NRXN1: variants seen among roughly 807,000 people sequenced by gnomAD.
NRXN1 encodes neurexin 1, also known as neurexin-1.
In NRXN1, 39 loss-of-function variants were observed where a neutral mutation model predicts 150.9. That is an observed-to-expected ratio of 0.26 (90% CI 0.20 to 0.34). The LOEUF is 0.34. Among genes scored for constraint, NRXN1 ranks in the 10% least tolerant of loss-of-function variants. NRXN1 has a pLI of 1.00. For synonymous variants in NRXN1, 924 were observed against 757.0 expected (o/e 1.22, Z -3.62); for missense variants, 1,815 against 1,949.9 (o/e 0.93, Z 1.30).
At chr2:50,168,511 A>G (rs1220051272) in intron 18 of NRXN1, among the ~76,000 whole-genome samples, 1 of 152,218 alleles carries the variant, frequency 6.6e-6, no homozygotes, top group African/African-American at 2.4e-5. Flanking sequence ...ATTAGGAAGT[A>G]TATTTACTAG....
intron 15 of NRXN1, among the ~76,000 whole-genome samples, chr2:50,474,218 T>C (rs111883881): frequency 2.6e-4 from 40 of 152,022 alleles, no homozygotes; most frequent in African/African-American, 8.9e-4. Flanking sequence ...CATTGTGTTT[T>C]AGTTGCCTCA....
intron 21 of NRXN1, among the ~76,000 whole-genome samples, chr2:49,994,084 C>A: frequency 6.6e-6 from 1 of 151,998 alleles, no homozygotes; most frequent in East Asian, 1.9e-4. Flanking sequence ...CACCGGGGAT[C>A]CTCTGTTTCC....
chr2:50,781,771 G>C (rs1704384704), intron 5 of NRXN1, among the ~76,000 whole-genome samples: 1 of 152,140 alleles, frequency 6.6e-6, no homozygotes, highest in Admixed American at 6.5e-5. Flanking sequence ...TTTTTATTCA[G>C]CATATTAGTT....
chr2:50,101,361 C>A (rs769329282), intron 18 of NRXN1, among the ~76,000 whole-genome samples: 46 of 152,118 alleles, frequency 3.0e-4, no homozygotes, highest in Non-Finnish European at 5.9e-4. Flanking sequence ...TAATTGTTGA[C>A]ATTTTTTATG....
chr2:50,995,737 T>C (rs1298480587), intron 2 of NRXN1, among the ~76,000 whole-genome samples: 1 of 151,962 alleles, frequency 6.6e-6, no homozygotes, highest in Non-Finnish European at 1.5e-5. Flanking sequence ...CTTTCAGTCA[T>C]GGATAAATGC....
chr2:50,936,846 T>G (rs1472154887), intron 2 of NRXN1, among the ~76,000 whole-genome samples: 1 of 152,118 alleles, frequency 6.6e-6, no homozygotes, highest in African/African-American at 2.4e-5. Context: ...TAAACATGTA[T>G]GAAAACGTGG....
At position 50,107,748 on chromosome 2, in the gene NRXN1, G is replaced by A. The variant is rs188373050; in HGVS notation, c.3547-16254C>T. 4.2e-3 allele frequency among the ~76,000 whole-genome samples: 644 copies of A among 151,762 alleles called. 4 individuals carry two copies. Among genetic ancestry groups the A allele is most frequent in the African/African-American group, 0.014 (593 of 41,460 alleles). ...CTTGGCCTAGATAGTTTATGTCTCA[G>A]TTAATAATAATGTTGATAGTAATAC... On this transcript the variant is annotated intron_variant, in intron 18 of 22. Coordinates refer to ENST00000401669, the MANE Select transcript of NRXN1 (RefSeq NM_001330078.2).
intron 21 of NRXN1, among the ~76,000 whole-genome samples, chr2:49,974,491 AC>A (rs1380865025): frequency 1.3e-5 from 2 of 152,138 alleles, no homozygotes; most frequent in South Asian, 4.2e-4. Flanking sequence ...CAGAGGGGAA[AC>A]TTTTTTTTCC....
chr2:50,915,660 G>T (rs1161732898), intron 5 of NRXN1, among the ~76,000 whole-genome samples: 3 of 151,178 alleles, frequency 2.0e-5, no homozygotes, highest in Admixed American at 6.6e-5. Context: ...TAAATAATAG[G>T]GTATTAATAT....
intron 19 of NRXN1, among the ~76,000 whole-genome samples, chr2:50,065,975 A>G (rs925500544): frequency 6.6e-6 from 1 of 152,136 alleles, no homozygotes; most frequent in African/African-American, 2.4e-5. Flanking sequence ...CCTATTTCTT[A>G]TCTCTGCGTT....
chr2:50,199,566 A>ACACG (rs912023521), intron 18 of NRXN1, among the ~76,000 whole-genome samples: 1 of 143,124 alleles, frequency 7.0e-6, no homozygotes, highest in Non-Finnish European at 1.5e-5. Flanking sequence ...ACACACACAC[A>ACACG]CATGCACACT....
intron 5 of NRXN1, among the ~76,000 whole-genome samples, chr2:50,683,646 A>AAAAATATAT: frequency 2.0e-4 from 3 of 14,906 alleles, no homozygotes; most frequent in African/African-American, 1.1e-3. Context: ...AAAAAAAAAA[A>AAAAATATAT]ATATATATAT....
chr2:50,207,920 T>C (rs983628333), intron 18 of NRXN1, among the ~76,000 whole-genome samples: 1 of 152,000 alleles, frequency 6.6e-6, no homozygotes. Context: ...CAAGCCTAGG[T>C]TGGTATATGG....
At chr2:50,656,777 G>A (rs1686534849) in intron 5 of NRXN1, among the ~76,000 whole-genome samples, 1 of 151,462 alleles carries the variant, frequency 6.6e-6, no homozygotes, top group African/African-American at 2.4e-5. Context: ...CAAACTCTTA[G>A]CAATAATGTT....
chr2:50,132,931 C>A (rs187150926), intron 18 of NRXN1, among the ~76,000 whole-genome samples: 2 of 149,238 alleles, frequency 1.3e-5, no homozygotes, highest in East Asian at 4.1e-4. Context: ...TCATAAGAGA[C>A]ATCTTCCTTT....
At chr2:50,447,758 T>TATATATATATATATATAC (rs2086580419) in intron 17 of NRXN1, among the ~76,000 whole-genome samples, 7 of 110,518 alleles carry the variant, frequency 6.3e-5, no homozygotes, top group Admixed American at 4.3e-4. Flanking sequence ...TATATATATA[T>TATATATATATATATATAC]ATATATATAT....
At chr2:50,668,785 T>G (rs994514754) in intron 5 of NRXN1, among the ~76,000 whole-genome samples, 5 of 151,978 alleles carry the variant, frequency 3.3e-5, no homozygotes, top group Non-Finnish European at 5.9e-5. Flanking sequence ...TTTTGTGCCT[T>G]AGAGATACAG....
chr2:50,794,102 A>G (rs1417331876), intron 5 of NRXN1, among the ~76,000 whole-genome samples: 2 of 152,096 alleles, frequency 1.3e-5, no homozygotes, highest in African/African-American at 4.8e-5. Flanking sequence ...CAGAATGCCA[A>G]TAGTTCTGAG....
At chr2:50,038,906 G>A (rs1167754641) in intron 21 of NRXN1, among the ~76,000 whole-genome samples, 1 of 151,856 alleles carries the variant, frequency 6.6e-6, no homozygotes, top group East Asian at 2.0e-4. Flanking sequence ...AAGGCTGGGA[G>A]CGGTGGATCA....
Sources: allele counts gnomAD v4.1 joint callset (sites outside exome capture counted in the v4.1 genomes callset), GRCh38; gene constraint gnomAD v4.1.1; transcripts MANE v1.5; gene names NCBI Gene and HGNC (gene_info 2026-07-23, HGNC 2026-07-21).